DLGAP2: variants seen among roughly 807,000 people sequenced by gnomAD.
DLGAP2 encodes DLG associated protein 2.
Under a neutral mutation model 100.3 loss-of-function variants are expected in DLGAP2, and 26 were observed. That is an observed-to-expected ratio of 0.26 (90% CI 0.19 to 0.36). The LOEUF (loss-of-function observed/expected upper bound fraction) is 0.36, where lower values mean the gene tolerates loss of function less well. DLGAP2 is among the 10% of genes least tolerant of loss of function. The pLI is 1.00. For synonymous variants in DLGAP2, 886 were observed against 630.1 expected (o/e 1.41, Z -6.08); for missense variants, 1,858 against 1,453.2 (o/e 1.28, Z -4.53).
chr8:1,165,062 C>A (rs1426318897), intron 2 of DLGAP2, among the ~76,000 whole-genome samples: 1 of 151,862 alleles, frequency 6.6e-6, no homozygotes, highest in Non-Finnish European at 1.5e-5. Flanking sequence ...AGATTCTCCT[C>A]CCTCTGGGCC....
At chr8:944,049 G>C (rs932173349) in intron 2 of DLGAP2, among the ~76,000 whole-genome samples, 4 of 152,364 alleles carry the variant, frequency 2.6e-5, no homozygotes, top group African/African-American at 9.6e-5. Flanking sequence ...TTGTTTTGGC[G>C]TAGAGACCAT....
chr8:1,605,523 C>T lies in DLGAP2; in HGVS notation c.1443-21217C>T, dbSNP rs1040451773. ...GTGCGGCCTGTCCTTTGTGCATGAG[C>T]TTTAGAAACGTGCTACATTCTTGTG... is the stretch of plus-strand genomic sequence containing the variant. On this transcript the variant is annotated intron_variant, in intron 6 of 14. Transcript: ENST00000637795. Among the ~76,000 whole-genome samples the T allele has an allele frequency of 2.0e-5, 3 of 152,166 alleles. No homozygotes were observed. In the East Asian group the frequency reaches 5.8e-4, roughly 29 times the overall value.
chr8:1,655,254 A>C (rs530284902), intron 8 of DLGAP2, among the ~76,000 whole-genome samples: 219 of 152,308 alleles, frequency 1.4e-3, no homozygotes, highest in Middle Eastern at 3.4e-3. Context: ...GCATTAATTA[A>C]AGTGTCAAAA....
chr8:1,607,900 A>G (rs9314436), intron 6 of DLGAP2, among the ~76,000 whole-genome samples: 597 of 147,394 alleles, frequency 4.1e-3, no homozygotes, highest in African/African-American at 7.1e-3. Context: ...CGCCCACGGA[A>G]TCTCGCTGAT....
At chr8:1,665,813 A>G (rs924451613) in intron 8 of DLGAP2, among the ~76,000 whole-genome samples, 6 of 152,216 alleles carry the variant, frequency 3.9e-5, no homozygotes, top group Non-Finnish European at 8.8e-5. Context: ...TTTTCTGTAA[A>G]TGACCCATGA....
rs1183811302 is a variant in DLGAP2 at position 1,501,385 on chromosome 8, G to T, written c.126G>T (p.Leu42Phe). ...GEPEEEEAGD[L>F]VQPGISFPGP... ...TTGCAGAGGAAGAAGCTGGAGACTT[G>T]GTCCAGCCGGGCATCAGCTTTCCGG... is the stretch of plus-strand genomic sequence containing the variant. Residue 42 changes from leucine (L) to phenylalanine (F), a missense_variant, in exon 4 of 15, where the codon TTG (leucine) becomes TTT (phenylalanine). Transcript: ENST00000637795. 2 of 1,535,732 alleles carry T rather than the reference G, an allele frequency of 1.3e-6. No homozygotes were observed. Among genetic ancestry groups the T allele is most frequent in the African/African-American group, 2.7e-5 (2 of 73,024 alleles).
intron 2 of DLGAP2, among the ~76,000 whole-genome samples, chr8:1,031,900 T>G (rs1356825839): frequency 6.6e-6 from 1 of 152,252 alleles, no homozygotes; most frequent in Non-Finnish European, 1.5e-5. Flanking sequence ...CATGCTACGC[T>G]GGTCTCTCAG....
At chr8:823,766 C>T (rs949260925) in intron 1 of DLGAP2, among the ~76,000 whole-genome samples, 2 of 152,248 alleles carry the variant, frequency 1.3e-5, no homozygotes, top group East Asian at 1.9e-4. Flanking sequence ...ATTCGCAGCA[C>T]GGGGAGCTGT....
chr8:1,512,839 A>C (rs1467503929), intron 4 of DLGAP2, among the ~76,000 whole-genome samples: 1 of 152,204 alleles, frequency 6.6e-6, no homozygotes, highest in African/African-American at 2.4e-5. Context: ...CTAGGTTTCT[A>C]ATTTGTCTTC....
intron 2 of DLGAP2, among the ~76,000 whole-genome samples, chr8:1,213,814 C>T (rs1345824807): frequency 2.0e-5 from 3 of 152,162 alleles, no homozygotes; most frequent in Non-Finnish European, 2.9e-5. Flanking sequence ...GCTCAGCCAC[C>T]GCTGCCTCCT....
intron 3 of DLGAP2, among the ~76,000 whole-genome samples, chr8:1,417,209 G>A (rs1337350651): frequency 7.3e-5 from 6 of 82,678 alleles, no homozygotes; most frequent in Non-Finnish European, 1.2e-4. Flanking sequence ...GACTCTGAGT[G>A]AGGGGAGACC....
intron 3 of DLGAP2, among the ~76,000 whole-genome samples, chr8:1,315,059 C>T (rs936162183): frequency 1.3e-5 from 2 of 152,164 alleles, no homozygotes; most frequent in East Asian, 1.9e-4. Flanking sequence ...TTCTAAGTGA[C>T]GCTTTTTTAC....
intron 3 of DLGAP2, among the ~76,000 whole-genome samples, chr8:1,371,825 G>A (rs764812982): frequency 6.6e-6 from 1 of 152,238 alleles, no homozygotes; most frequent in East Asian, 1.9e-4. Context: ...CACCCTGGAA[G>A]TGGGCTTGAC....
intron 3 of DLGAP2, among the ~76,000 whole-genome samples, chr8:1,263,039 A>C (rs1468036207): frequency 1.3e-5 from 2 of 152,198 alleles, no homozygotes; most frequent in Non-Finnish European, 2.9e-5. Context: ...AGTGTCTTCG[A>C]TCTGTGTTAT....
chr8:769,348 G>C (rs1416275055), intron 1 of DLGAP2, among the ~76,000 whole-genome samples: 1 of 151,952 alleles, frequency 6.6e-6, no homozygotes, highest in Non-Finnish European at 1.5e-5. Flanking sequence ...CTTGTTTAAA[G>C]GTGATTGTCA....
intron 1 of DLGAP2, among the ~76,000 whole-genome samples, chr8:789,653 C>A (rs1046495183): frequency 1.3e-5 from 2 of 152,132 alleles, no homozygotes; most frequent in Admixed American, 1.3e-4. Context: ...TAGATAGCCC[C>A]CAAAGTGGAA....
At chr8:791,848 C>T (rs1029156904) in intron 1 of DLGAP2, among the ~76,000 whole-genome samples, 1 of 152,182 alleles carries the variant, frequency 6.6e-6, no homozygotes, top group Non-Finnish European at 1.5e-5. Context: ...CTCCTGTTCC[C>T]TCTCCACACA....
At chr8:818,874 A>G (rs1796534706) in intron 1 of DLGAP2, among the ~76,000 whole-genome samples, 1 of 152,376 alleles carries the variant, frequency 6.6e-6, no homozygotes, top group South Asian at 2.1e-4. Flanking sequence ...CTTGGTGACT[A>G]TAAATGATAT....
chr8:1,551,366 G>T (rs1465059816), intron 5 of DLGAP2, among the ~76,000 whole-genome samples: 2 of 152,156 alleles, frequency 1.3e-5, no homozygotes, highest in African/African-American at 4.8e-5. Flanking sequence ...GATAGTCAGT[G>T]TTCCCTGAAT....
Sources: allele counts gnomAD v4.1 joint callset (sites outside exome capture counted in the v4.1 genomes callset), GRCh38; gene constraint gnomAD v4.1.1; transcripts MANE v1.5; gene names NCBI Gene and HGNC (gene_info 2026-07-23, HGNC 2026-07-21).